The following DNAH8 variants were observed in gnomAD, a reference collection of about 807,000 sequenced individuals.
DNAH8 encodes dynein axonemal heavy chain 8.
In DNAH8, 382 loss-of-function variants were observed where a neutral mutation model predicts 562.1. That is an observed-to-expected ratio of 0.68 (90% CI 0.63 to 0.74). The LOEUF is 0.74. Ranked by LOEUF, DNAH8 falls within the 30% of genes least tolerant of loss-of-function variation. DNAH8 has a pLI of 0.00. For synonymous variants in DNAH8, 1,881 were observed against 1,919.4 expected (o/e 0.98, Z 0.52); for missense variants, 5,203 against 5,620.4 (o/e 0.93, Z 2.37).
intron 85 of DNAH8, among the ~76,000 whole-genome samples, chr6:38,977,972 T>C (rs1390450738): frequency 6.6e-6 from 1 of 152,200 alleles, no homozygotes; most frequent in Admixed American, 6.5e-5. Context: ...TCCTGATATG[T>C]GGCAAGAATT....
chr6:38,883,249 C>T, intron 54 of DNAH8, 73 bp from the exon 55 acceptor site: 1 of 1,469,048 alleles, frequency 6.8e-7, no homozygotes, highest in Non-Finnish European at 9.1e-7. Context: ...AGAAGACTAG[C>T]CCATAGAATC....
chr6:38,879,138 G>A (rs1362031292), intron 53 of DNAH8, among the ~76,000 whole-genome samples: 1 of 152,030 alleles, frequency 6.6e-6, no homozygotes. Flanking sequence ...TGATTTTATT[G>A]GTGAATTCGA....
At chr6:38,913,234 A>C (rs566938970) in intron 66 of DNAH8, among the ~76,000 whole-genome samples, 1 of 152,220 alleles carries the variant, frequency 6.6e-6, no homozygotes, top group African/African-American at 2.4e-5. Context: ...GAGTGTTTAC[A>C]CTACAGAAAT....
chr6:38,826,463 A>G, intron 29 of DNAH8, 72 bp downstream of exon 29: 1 of 926,890 alleles, frequency 1.1e-6, no homozygotes, highest in Middle Eastern at 2.6e-4. Context: ...CACACTAAGA[A>G]AGTGATTCTT....
intron 81 of DNAH8, among the ~76,000 whole-genome samples, chr6:38,951,085 G>A (rs1761874138): frequency 6.6e-6 from 1 of 152,212 alleles, no homozygotes; most frequent in African/African-American, 2.4e-5. Context: ...AGGACACTGT[G>A]TTGTTATGGG....
intron 58 of DNAH8, among the ~76,000 whole-genome samples, chr6:38,892,195 A>G (rs1448898857): frequency 2.6e-5 from 4 of 151,770 alleles, no homozygotes; most frequent in South Asian, 4.2e-4. Context: ...CTCTATCTAC[A>G]TTCTTTCCCT....
chr6:38,894,991 C>T (rs887267031), intron 59 of DNAH8, 127 bp downstream of exon 59: 16 of 923,474 alleles, frequency 1.7e-5, no homozygotes, highest in East Asian at 8.5e-5. Context: ...TGCAATGGTG[C>T]GATCTCAGCT....
intron 85 of DNAH8, among the ~76,000 whole-genome samples, chr6:38,975,506 C>A (rs966980013): frequency 6.6e-6 from 1 of 152,206 alleles, no homozygotes; most frequent in African/African-American, 2.4e-5. Flanking sequence ...ACTTAATGCT[C>A]ATCCCAGAAA....
Position 38,886,998 on chromosome 6 carries a change from AT to A in DNAH8, c.8472del (p.Phe2824LeufsTer22), listed in dbSNP as rs759301439. The A allele has an allele frequency of 6.3e-7, 1 of 1,596,680 alleles. No homozygotes were observed. Among genetic ancestry groups the A allele is most frequent in the Admixed American group, 1.7e-5 (1 of 59,964 alleles). ...GCCTTCAAATGCTTCAATAGACAAA[AT>A]TTTTGGTATGAATATTCTTAGCGTT... ...TLPSNASIDK[I>X]FGIIGCGYFD... On this transcript the variant is annotated frameshift_variant, in exon 57 of 93. Coordinates refer to ENST00000327475, the MANE Select transcript of DNAH8 (RefSeq NM_001206927.2). LOFTEE classifies it high-confidence loss of function.
chr6:38,957,094 A>G (rs559420885), intron 82 of DNAH8, among the ~76,000 whole-genome samples: 2 of 152,300 alleles, frequency 1.3e-5, no homozygotes, highest in African/African-American at 4.8e-5. Flanking sequence ...GATGGAAAAG[A>G]TATTCTATGC....
chr6:38,934,420 A>G (rs971438025), intron 76 of DNAH8, among the ~76,000 whole-genome samples: 2 of 152,070 alleles, frequency 1.3e-5, no homozygotes, highest in Non-Finnish European at 2.9e-5. Context: ...AAAAAACAAA[A>G]CAAACTACAT....
At chr6:38,801,488 C>A (rs1329617422) in intron 21 of DNAH8, among the ~76,000 whole-genome samples, 1 of 152,192 alleles carries the variant, frequency 6.6e-6, no homozygotes, top group African/African-American at 2.4e-5. Context: ...ATTAGTGTGT[C>A]TGGTTCCTGA....
rs4714191 is a variant in DNAH8 at position 38,883,532 on chromosome 6, A to G, written c.8136+76A>G. 394,968 of 1,367,424 alleles carry G rather than the reference A, an allele frequency of 0.29. 61,589 individuals are homozygous for G. The highest frequency in any genetic ancestry group is 0.66 in the East Asian group (27,382 of 41,538). 84.7% of individuals were successfully genotyped at this position (1,367,424 alleles called of 1,614,324 possible). A position where few individuals can be genotyped will look rare whatever the true frequency, so the allele number is the denominator to read the frequency against. ...AGTGGTTACAATAAAATGTGTACGC[A>G]TATAAAATGTGAAAATATTATATAT... On this transcript the variant is annotated intron_variant, in intron 55 of 92. Coordinates refer to ENST00000327475, the MANE Select transcript of DNAH8 (RefSeq NM_001206927.2).
chr6:38,826,568 A>G (rs1296492532), intron 29 of DNAH8, among the ~76,000 whole-genome samples, 177 bp downstream of exon 29: 2 of 152,230 alleles, frequency 1.3e-5, no homozygotes, highest in African/African-American at 4.8e-5. Flanking sequence ...AACAGTGAAC[A>G]GTATACAAAA....
rs535762421 is a variant in DNAH8 at position 38,978,102 on chromosome 6, ATTTC to A, written c.12834+3577_12834+3580del. Among the ~76,000 whole-genome samples, 562 of 152,290 alleles carry A rather than the reference ATTTC, an allele frequency of 3.7e-3. 2 individuals carry two copies. The highest frequency in any genetic ancestry group is 6.8e-3 in the Middle Eastern group (2 of 294). The stretch of plus-strand genomic sequence containing the variant: ...TTGGTTTGTCCACATTGAACTGCGT[ATTTC>A]TTTATGACTTTTCAAACAGCTTATA... On this transcript the variant is annotated intron_variant, in intron 85 of 92. Transcript: ENST00000327475.
intron 87 of DNAH8, among the ~76,000 whole-genome samples, chr6:38,986,390 G>A (rs536949297): frequency 6.5e-4 from 99 of 152,250 alleles, no homozygotes; most frequent in African/African-American, 2.4e-3. Flanking sequence ...AGTTCACAAG[G>A]ATAAATACAT....
chr6:38,787,540 A>G (rs1769284050), intron 18 of DNAH8, among the ~76,000 whole-genome samples: 1 of 151,958 alleles, frequency 6.6e-6, no homozygotes, highest in Non-Finnish European at 1.5e-5. Flanking sequence ...AGTCTGGCTA[A>G]CATGACGAAA....
chr6:38,911,705 G>C (rs1012762471), intron 66 of DNAH8, 119 bp downstream of exon 66: 1 of 708,362 alleles, frequency 1.4e-6, no homozygotes, highest in Non-Finnish European at 2.4e-6. Flanking sequence ...GTTAGTAGTA[G>C]ATAATTTTAA....
rs772430952 is a variant in DNAH8 at position 39,005,312 on chromosome 6, C to T, written c.13215-3502C>T. 3.1e-4 allele frequency among the ~76,000 whole-genome samples: 47 copies of T among 152,246 alleles called. No homozygotes were observed. In the Middle Eastern group the frequency reaches 0.01, roughly 33 times the overall value. On this transcript the variant is annotated intron_variant, in intron 88 of 92. Transcript: ENST00000327475. ...CCTATGGTCTCTGCTACTCAGGAGG[C>T]TGAGGCACAAGAATTGCTTGAACCC...
Sources: allele counts gnomAD v4.1 joint callset (sites outside exome capture counted in the v4.1 genomes callset), GRCh38; gene constraint gnomAD v4.1.1; transcripts MANE v1.5; gene names NCBI Gene and HGNC (gene_info 2026-07-23, HGNC 2026-07-21).